The following GALNT12 variants were observed in gnomAD, a reference collection of about 807,000 sequenced individuals.
The protein encoded by GALNT12 is UDP-GalNAc:polypeptide N-acetylgalactosaminyltransferase 12.
GALNT12 carries 45 observed loss-of-function variants against 55.5 expected under a neutral mutation model. The ratio of observed to expected loss-of-function variants is 0.81; its 90% CI spans 0.64 to 1.04. The LOEUF is 1.04. GALNT12 is among the 50% of genes least tolerant of loss of function. The pLI, the probability that GALNT12 is intolerant of heterozygous loss-of-function variation, is 0.00. For missense variants in GALNT12, 709 were observed against 754.8 expected, an observed-to-expected ratio of 0.94 and a Z score of 0.71; for synonymous variants, 304 against 312.2, an observed-to-expected ratio of 0.97 and a Z score of 0.28.
At chr9:98,809,530 C>T (rs1835448097) in intron 1 of GALNT12, among the ~76,000 whole-genome samples, 1 of 152,214 alleles carries the variant, frequency 6.6e-6, no homozygotes, top group East Asian at 1.9e-4. Context: ...AGCTGCTTAG[C>T]CTCTCAGAGC....
At chr9:98,834,465 G>A (rs781497579) in intron 4 of GALNT12, among the ~76,000 whole-genome samples, 2 of 152,224 alleles carry the variant, frequency 1.3e-5, no homozygotes, top group Non-Finnish European at 2.9e-5. Context: ...GCAACTCTGG[G>A]ACGTGCTGAC....
Position 98,835,367 on chromosome 9 carries a change from G to A in GALNT12, c.1035+1G>A, listed in dbSNP as rs1363014898. ...AGAAAACCTCGAATTTTCCTTTAGG[G>A]TAAGTATTTCAGTCTTCTCTTTGGA... On this transcript the variant is annotated splice_donor_variant, in intron 5 of 9. Transcript: ENST00000375011. LOFTEE classifies it high-confidence loss of function. 6.5e-7 allele frequency: 1 copy of A among 1,547,600 alleles called. No individual in the cohort carries two copies. Among genetic ancestry groups the A allele is most frequent in the Non-Finnish European group, 8.9e-7 (1 of 1,119,476 alleles).
In GALNT12 at chr9:98,849,037, G is replaced by A. The variant is rs778487948; in HGVS notation, c.1691G>A (p.Arg564Gln). The A allele has an allele frequency of 7.3e-5, 118 of 1,614,038 alleles. 4 individuals are homozygous for A. In the South Asian group the frequency reaches 1.1e-3, roughly 15 times the overall value. Residue 564 changes from arginine (R) to glutamine (Q), a missense_variant, in exon 10 of 10, where the codon CGA becomes CAA. Arg to Gln is a conservative substitution (Grantham distance 43). Coordinates refer to ENST00000375011, the MANE Select transcript of GALNT12 (RefSeq NM_024642.5). Reference sequence around the variant, plus strand: ...AGTGACAGTTTCGTTCCACTCTTACGAGACTGCACCAACTCGGATCATCAG... The same window carrying A: ...AGTGACAGTTTCGTTCCACTCTTACAAGACTGCACCAACTCGGATCATCAG... ...ESSDSFVPLL[R>Q]DCTNSDHQKW...
chr9:98,844,298 G>T (rs1836364067), intron 8 of GALNT12, 89 bp downstream of exon 8: 1 of 900,284 alleles, frequency 1.1e-6, no homozygotes, highest in Non-Finnish European at 1.8e-6. Flanking sequence ...AGTAATATTT[G>T]GGAAATATAA....
intron 5 of GALNT12, among the ~76,000 whole-genome samples, chr9:98,836,519 G>C (rs564262541): frequency 6.6e-6 from 1 of 151,734 alleles, no homozygotes; most frequent in East Asian, 1.9e-4. Context: ...TGCTTTTAAT[G>C]GTCTCTCTGC....
chr9:98,818,066 A>G lies in GALNT12; in HGVS notation c.372-5190A>G, dbSNP rs376694221. On this transcript the variant is annotated intron_variant, in intron 1 of 9. Coordinates refer to ENST00000375011, the MANE Select transcript of GALNT12 (RefSeq NM_024642.5). ...CTTTCTGTATGTCTACTATAATATT[A>G]TATACATTTGAGAGTAAGTTATAGA... 3.3e-5 allele frequency among the ~76,000 whole-genome samples: 5 copies of G among 152,298 alleles called. No homozygotes were observed. In the East Asian group the frequency reaches 5.8e-4, roughly 18 times the overall value.
intron 1 of GALNT12, among the ~76,000 whole-genome samples, chr9:98,819,119 A>C (rs1489910574): frequency 6.6e-6 from 1 of 152,236 alleles, no homozygotes; most frequent in Non-Finnish European, 1.5e-5. Flanking sequence ...CCATTGAGGA[A>C]ACAAGAGGAA....
chr9:98,829,994 G>A (rs1835954978), intron 3 of GALNT12, among the ~76,000 whole-genome samples: 1 of 152,220 alleles, frequency 6.6e-6, no homozygotes, highest in Non-Finnish European at 1.5e-5. Flanking sequence ...GTACGTAGGA[G>A]TAGAATTGCA....
Position 98,831,933 on chromosome 9 carries a change from T to C in GALNT12, c.893T>C (p.Met298Thr), listed in dbSNP as rs1177891875. ...GTTCCTGAGAGGGAGAGGATACGGA[T>C]GCAATCCCCCGTCGATGTCATCAGG... ...HTVPERERIRMQSPVDVIRSP... is the reference protein window; with the variant it reads ...HTVPERERIRTQSPVDVIRSP... The change falls in exon 4 of 10, where the codon ATG (methionine) becomes ACG (threonine). Residue 298 changes from methionine to threonine, a missense_variant. By Grantham distance (81) the Met-to-Thr change is moderately conservative. Transcript: ENST00000375011. 2 of 1,614,120 alleles carry C rather than the reference T, an allele frequency of 1.2e-6. No individual in the cohort carries two copies. The highest frequency in any genetic ancestry group is 1.1e-5 in the South Asian group (1 of 91,062).
intron 1 of GALNT12, among the ~76,000 whole-genome samples, chr9:98,819,880 C>T (rs982773860): frequency 6.6e-6 from 1 of 152,216 alleles, no homozygotes; most frequent in Non-Finnish European, 1.5e-5. Context: ...AGCAGGTGCT[C>T]TGTGAACTGA....
intron 1 of GALNT12, among the ~76,000 whole-genome samples, chr9:98,811,758 C>T (rs1018501789): frequency 3.4e-5 from 5 of 148,682 alleles, no homozygotes; most frequent in Non-Finnish European, 7.4e-5. Flanking sequence ...TCTTGGCTCA[C>T]TGCAACCTCC....
chr9:98,816,970 A>G (rs1001494240), intron 1 of GALNT12, among the ~76,000 whole-genome samples: 6 of 151,826 alleles, frequency 4.0e-5, no homozygotes, highest in South Asian at 2.1e-4. Flanking sequence ...GACTACAGGC[A>G]CCAGCCACCA....
intron 1 of GALNT12, among the ~76,000 whole-genome samples, chr9:98,820,988 C>T (rs1165988418): frequency 6.6e-6 from 1 of 152,102 alleles, no homozygotes; most frequent in East Asian, 1.9e-4. Context: ...TTTTTGGATG[C>T]TACAGTATGC....
intron 7 of GALNT12, among the ~76,000 whole-genome samples, chr9:98,840,882 C>T (rs954907503): frequency 3.9e-5 from 6 of 152,172 alleles, no homozygotes; most frequent in African/African-American, 9.7e-5. Flanking sequence ...AAGCAAATCC[C>T]GGGCATTGTG....
At position 98,844,135 on chromosome 9, in the gene GALNT12, A is replaced by G. The variant is rs762725034; in HGVS notation, c.1384A>G (p.Asn462Asp). 3 of 1,613,908 alleles carry G rather than the reference A, an allele frequency of 1.9e-6. No individual in the cohort carries two copies. Among genetic ancestry groups the G allele is most frequent in the Non-Finnish European group, 1.7e-6 (2 of 1,179,804 alleles). ...ACTAACAGACTACTGCTTTGACTAT[A>G]ACCCTCCCGATGAAAACCAGATTGT... Reference protein sequence around the residue: ...KGLTDYCFDYNPPDENQIVGH... With the variant: ...KGLTDYCFDYDPPDENQIVGH... The change falls in exon 8 of 10, where the codon AAC becomes GAC. Residue 462 changes from asparagine (N) to aspartate (D), a missense_variant. Transcript: ENST00000375011.
In GALNT12 at chr9:98,807,897, C is replaced by T. The variant is rs1437425266; in HGVS notation, c.199C>T (p.Arg67Trp). 3.5e-6 allele frequency: 4 copies of T among 1,158,426 alleles called. No homozygotes were observed. The highest frequency in any genetic ancestry group is 9.5e-5 in the Admixed American group (2 of 21,010). The allele number at this position is 1,158,426 out of a possible 1,614,324, so 71.8% of individuals were successfully genotyped here. ...RPGRREPVMP[R>W]PPVPANALGA... The stretch of plus-strand genomic sequence containing the variant: ...CGGGCGGCGCGAGCCGGTCATGCCG[C>T]GGCCGCCGGTGCCGGCGAACGCGCT... Residue 67 changes from arginine to tryptophan, a missense_variant, in exon 1 of 10, where the codon CGG (arginine) becomes TGG (tryptophan). Around this residue, in one of 5 missense-constraint regions of GALNT12, gnomAD observed 110 missense variants for 102.2 expected, o/e 1.08. Transcript: ENST00000375011.
At chr9:98,825,658 A>C (rs1403391373) in intron 2 of GALNT12, among the ~76,000 whole-genome samples, 1 of 152,068 alleles carries the variant, frequency 6.6e-6, no homozygotes, top group African/African-American at 2.4e-5. Context: ...CCATCAACTT[A>C]TTTGTGGTTA....
intron 1 of GALNT12, among the ~76,000 whole-genome samples, chr9:98,814,499 A>G (rs1835570120): frequency 6.6e-6 from 1 of 152,164 alleles, no homozygotes; most frequent in African/African-American, 2.4e-5. Context: ...ACTTGAGGTC[A>G]GGAGTTCGAG....
Position 98,807,770 on chromosome 9 carries a change from C to A in GALNT12, c.72C>A (p.Leu24=). The change falls in exon 1 of 10, where the codon CTC becomes CTA. Residue 24 remains leucine (L), a synonymous_variant. Coordinates refer to ENST00000375011, the MANE Select transcript of GALNT12 (RefSeq NM_024642.5). ...LRRGREALLV[L]LALLALAGLG... is the part of the protein sequence containing the mutation. ...GCGGCCGGGAGGCGCTGTTGGTGCT[C>A]CTGGCGCTACTGGCGTTGGCCGGGC... is the stretch of plus-strand genomic sequence containing the variant. The A allele has an allele frequency of 8.6e-7, 1 of 1,166,604 alleles. No individual in the cohort carries two copies. The highest frequency in any genetic ancestry group is 1.1e-6 in the Non-Finnish European group (1 of 941,852). The allele number at this position is 1,166,604 out of a possible 1,614,324, so 72.3% of individuals were successfully genotyped here. A position where few individuals can be genotyped will look rare whatever the true frequency, so the allele number is the denominator to read the frequency against.
Sources: allele counts gnomAD v4.1 joint callset (sites outside exome capture counted in the v4.1 genomes callset), GRCh38; gene constraint gnomAD v4.1.1; regional missense constraint gnomAD v4.1.1; transcripts MANE v1.5; gene names NCBI Gene and HGNC (gene_info 2026-07-23, HGNC 2026-07-21).